Variants in FAM227B observed in about 807,000 individuals in gnomAD.
FAM227B encodes protein FAM227B.
FAM227B carries 88 observed loss-of-function variants against 73.8 expected under a neutral mutation model. The observed-to-expected ratio is 1.19, with a 90% CI of 1.00 to 1.42. FAM227B has a LOEUF of 1.42. Among genes scored for constraint, FAM227B ranks in the 40% most tolerant of loss-of-function variants. The pLI, the probability that FAM227B is intolerant of heterozygous loss-of-function variation, is 0.00. For missense variants in FAM227B, 632 were observed against 590.9 expected (o/e 1.07, Z -0.72); for synonymous variants, 210 against 190.5 (o/e 1.10, Z -0.84).
At chr15:49,509,234 G>T (rs1424749526) in intron 10 of FAM227B, among the ~76,000 whole-genome samples, 1 of 152,106 alleles carries the variant, frequency 6.6e-6, no homozygotes, top group Non-Finnish European at 1.5e-5. Flanking sequence ...TGGTTGGTTT[G>T]TTTAAAAATC....
intron 11 of FAM227B, among the ~76,000 whole-genome samples, chr15:49,440,217 T>C (rs16962457): frequency 0.017 from 2,618 of 151,912 alleles, 94 homozygotes; most frequent in African/African-American, 0.06. Context: ...GCATTATTAC[T>C]GTGGTTTGTA....
intron 11 of FAM227B, among the ~76,000 whole-genome samples, chr15:49,426,616 T>C (rs2050153657): frequency 6.6e-6 from 1 of 151,966 alleles, no homozygotes; most frequent in Non-Finnish European, 1.5e-5. Context: ...ATGCATAAAA[T>C]GCTAAAATTA....
intron 13 of FAM227B, among the ~76,000 whole-genome samples, chr15:49,357,512 C>T (rs929843831): frequency 3.3e-5 from 5 of 152,066 alleles, no homozygotes; most frequent in Admixed American, 6.5e-5. Flanking sequence ...TTCCTCGACA[C>T]ATACACTCTC....
chr15:49,402,346 T>C (rs2048224711), intron 11 of FAM227B, among the ~76,000 whole-genome samples: 1 of 152,230 alleles, frequency 6.6e-6, no homozygotes, highest in Non-Finnish European at 1.5e-5. Context: ...GTCAATGTCA[T>C]TGAATCTATA....
intron 8 of FAM227B, among the ~76,000 whole-genome samples, chr15:49,570,976 C>T (rs1292605967): frequency 6.7e-6 from 1 of 149,148 alleles, no homozygotes; most frequent in Non-Finnish European, 1.5e-5. Context: ...ATCCATTCAT[C>T]CATTGATGGA....
intron 5 of FAM227B, among the ~76,000 whole-genome samples, chr15:49,583,625 A>G (rs1197955828): frequency 6.8e-6 from 1 of 148,066 alleles, no homozygotes; most frequent in Non-Finnish European, 1.5e-5. Flanking sequence ...TCATTCCTTT[A>G]CTTTCTTAAT....
At chr15:49,518,923 GA>G (rs2059582094) in intron 10 of FAM227B, among the ~76,000 whole-genome samples, 1 of 152,164 alleles carries the variant, frequency 6.6e-6, no homozygotes, top group Non-Finnish European at 1.5e-5. Context: ...TCTCATCTGA[GA>G]CAAAGCAAGT....
intron 11 of FAM227B, among the ~76,000 whole-genome samples, chr15:49,419,028 C>T (rs1019027355): frequency 4.6e-5 from 7 of 152,172 alleles, no homozygotes; most frequent in African/African-American, 1.7e-4. Context: ...AGTCATTCGT[C>T]TACCCTGATT....
chr15:49,351,820 C>T (rs1330534982), intron 13 of FAM227B, among the ~76,000 whole-genome samples: 1 of 152,130 alleles, frequency 6.6e-6, no homozygotes, highest in Non-Finnish European at 1.5e-5. Flanking sequence ...GCTAAGGAGC[C>T]AGATCTTTGT....
intron 13 of FAM227B, among the ~76,000 whole-genome samples, chr15:49,343,314 A>C (rs1471241951): frequency 6.6e-6 from 1 of 151,968 alleles, no homozygotes; most frequent in Non-Finnish European, 1.5e-5. Flanking sequence ...GGAACAGTCT[A>C]TTGATAAAAC....
chr15:49,491,293 A>G (rs991343847), intron 11 of FAM227B, among the ~76,000 whole-genome samples: 2 of 151,804 alleles, frequency 1.3e-5, no homozygotes, highest in Non-Finnish European at 2.9e-5. Context: ...TAATCTTCCT[A>G]TAATACTACT....
At chr15:49,341,716 G>T (rs1429602969) in intron 13 of FAM227B, among the ~76,000 whole-genome samples, 1 of 152,122 alleles carries the variant, frequency 6.6e-6, no homozygotes, top group Non-Finnish European at 1.5e-5. Flanking sequence ...CATGGTTTTT[G>T]CTGCATCCCA....
chr15:49,359,370 A>C (rs1405062367), intron 13 of FAM227B, among the ~76,000 whole-genome samples: 2 of 119,978 alleles, frequency 1.7e-5, no homozygotes. Context: ...AGAATCTACA[A>C]TAAACTCAAA....
intron 1 of FAM227B, 66 bp from the exon 2 acceptor site, chr15:49,615,309 C>T (rs1184555233): frequency 1.4e-6 from 1 of 738,906 alleles, no homozygotes; most frequent in Non-Finnish European, 2.4e-6. Flanking sequence ...TTTCCCCTCA[C>T]CCACAAACCT....
chr15:49,570,599 C>T (rs1442499107), intron 8 of FAM227B, among the ~76,000 whole-genome samples: 4 of 151,498 alleles, frequency 2.6e-5, no homozygotes, highest in Non-Finnish European at 1.5e-5. Context: ...AAACTTTGCA[C>T]CTTTTGATCA....
intron 10 of FAM227B, among the ~76,000 whole-genome samples, chr15:49,520,278 A>C (rs1359403019): frequency 6.6e-6 from 1 of 152,154 alleles, no homozygotes; most frequent in Non-Finnish European, 1.5e-5. Context: ...GAAGTTCCAA[A>C]CTTTCCCACA....
At chr15:49,341,224 T>A (rs905533644) in intron 13 of FAM227B, among the ~76,000 whole-genome samples, 3 of 152,212 alleles carry the variant, frequency 2.0e-5, no homozygotes, top group African/African-American at 2.4e-5. Flanking sequence ...TTCTTTTTGC[T>A]TAGGATTTTT....
rs74742475 is a variant in FAM227B, at chr15:49,493,614, A to C, written c.1012+14597T>G. Among the ~76,000 whole-genome samples, 1,219 of 152,056 alleles carry C rather than the reference A, an allele frequency of 8.0e-3. 19 individuals carry two copies. The highest frequency in any genetic ancestry group is 0.028 in the African/African-American group (1,181 of 41,522). On this transcript the variant is annotated intron_variant, in intron 11 of 15. Coordinates refer to ENST00000299338, the MANE Select transcript of FAM227B (RefSeq NM_152647.3). ...CTTCTATAAATTCCCACTGCATGTC[A>C]ATCTATGCCATTAATCTAGCATTTA...
chr15:49,554,326 C>T (rs1428870865), intron 9 of FAM227B, among the ~76,000 whole-genome samples: 1 of 152,182 alleles, frequency 6.6e-6, no homozygotes, highest in Admixed American at 6.5e-5. Flanking sequence ...ATGTTGCGTG[C>T]ACACTCCAGT....
Sources: gnomAD v4.1 joint callset for allele counts (sites outside exome capture counted in the v4.1 genomes callset) on GRCh38, gnomAD v4.1.1 for gene constraint, MANE v1.5 for transcripts, NCBI Gene and HGNC (gene_info 2026-07-23, HGNC 2026-07-21) for gene names.